The following DOCK8 variants were observed in gnomAD, a reference collection of about 807,000 sequenced individuals.
DOCK8 encodes dedicator of cytokinesis protein 8.
In DOCK8, 141 loss-of-function variants were observed where a neutral mutation model predicts 245.6. That is an observed-to-expected ratio of 0.57 (90% confidence interval 0.50 to 0.66). The LOEUF is 0.66. Ranked by LOEUF, DOCK8 falls within the 30% of genes least tolerant of loss-of-function variation. The pLI is 0.00. For missense variants in DOCK8, 2,965 were observed against 2,603.4 expected, an observed-to-expected ratio of 1.14 and a Z score of -3.02; for synonymous variants, 1,168 against 970.2, an observed-to-expected ratio of 1.20 and a Z score of -3.79.
In DOCK8 at chr9:418,127, G is replaced by T; in HGVS notation, c.3760G>T (p.Ala1254Ser). The change falls in exon 30 of 48, where the codon GCC becomes TCC. Residue 1254 changes from alanine to serine, a missense_variant. Transcript: ENST00000432829. ...GGATGAAGAACAAGAAGGAGCCGGTGCCATTAACCAGAATGTGGCTCTGGC... is the reference window on the plus strand; with the variant it reads ...GGATGAAGAACAAGAAGGAGCCGGTTCCATTAACCAGAATGTGGCTCTGGC... ...GSDEEQEGAG[A>S]INQNVALAIA... 2.5e-6 allele frequency: 4 copies of T among 1,614,218 alleles called. No individual in the cohort carries two copies. Among genetic ancestry groups the T allele is most frequent in the Non-Finnish European group, 3.4e-6 (4 of 1,180,036 alleles).
At position 359,112 on chromosome 9, in the gene DOCK8, C is replaced by T. The variant is rs538110045; in HGVS notation, c.1680-8906C>T. 3.2e-3 allele frequency among the ~76,000 whole-genome samples: 494 copies of T among 152,288 alleles called. 4 individuals carry two copies. The highest frequency in any genetic ancestry group is 0.017 in the Middle Eastern group (5 of 294). ...AATGCTATGCTGATGCTGATGCTGA[C>T]GCTGACGTTGATGCTGCTACTCATT... On this transcript the variant is annotated intron_variant, in intron 14 of 47. Transcript: ENST00000432829.
rs148066605 is a variant in DOCK8 at position 240,751 on chromosome 9, A to C, written c.53+25722A>C. Among the ~76,000 whole-genome samples the C allele has an allele frequency of 1.1e-4, 17 of 152,256 alleles. No individual in the cohort carries two copies. In the East Asian group the frequency reaches 3.1e-3, roughly 28 times the overall value. The stretch of plus-strand genomic sequence containing the variant: ...CTGTGTTAGACTCTGGGGATTTGGA[A>C]AGACCCTGCTTCCCTCATGAAACTT... On this transcript the variant is annotated intron_variant, in intron 1 of 47. Transcript: ENST00000432829.
chr9:217,828 A>G (rs1437547140), intron 1 of DOCK8, among the ~76,000 whole-genome samples: 2 of 152,326 alleles, frequency 1.3e-5, no homozygotes, highest in East Asian at 3.9e-4. Flanking sequence ...TCTTGGAGAT[A>G]CAGCTGCACA....
intron 39 of DOCK8, among the ~76,000 whole-genome samples, chr9:438,866 G>C (rs2131789131): frequency 6.6e-6 from 1 of 152,312 alleles, no homozygotes; most frequent in South Asian, 2.1e-4. Flanking sequence ...GTAAGTCAGA[G>C]GTCCACTCGG....
At chr9:399,321 A>G (rs2054628928) in intron 26 of DOCK8, 62 bp downstream of exon 26, 2 of 1,122,770 alleles carry the variant, frequency 1.8e-6, no homozygotes, top group South Asian at 2.5e-5. Flanking sequence ...ATATAATGTG[A>G]TGTTCGTTGC....
chr9:342,297 CTTTT>C (rs34071975), intron 14 of DOCK8, among the ~76,000 whole-genome samples: 2 of 124,422 alleles, frequency 1.6e-5, no homozygotes, highest in Non-Finnish European at 1.7e-5. Context: ...TTTCTTTTTT[CTTTT>C]TTTTTTTTTT....
chr9:243,253 G>C (rs945368761), intron 1 of DOCK8, among the ~76,000 whole-genome samples: 1 of 152,086 alleles, frequency 6.6e-6, no homozygotes, highest in Admixed American at 6.6e-5. Flanking sequence ...GTTTCTTTAC[G>C]TGTATAACAA....
chr9:269,515 C>T (rs961821945), intron 1 of DOCK8, among the ~76,000 whole-genome samples: 2 of 147,040 alleles, frequency 1.4e-5, no homozygotes, highest in Non-Finnish European at 3.0e-5. Context: ...CTGCTACGAA[C>T]ATTCATGTGT....
At chr9:244,883 A>G (rs2047470147) in intron 1 of DOCK8, among the ~76,000 whole-genome samples, 1 of 152,140 alleles carries the variant, frequency 6.6e-6, no homozygotes, top group African/African-American at 2.4e-5. Context: ...TTTGAAGAAG[A>G]CTGGCTGATG....
In DOCK8 at chr9:301,087, T is replaced by A. The variant is rs540020891; in HGVS notation, c.405-3494T>A. Among the ~76,000 whole-genome samples, 3 of 152,152 alleles carry A rather than the reference T, an allele frequency of 2.0e-5. No individual in the cohort carries two copies. The East Asian group carries it at 5.8e-4, about 29-fold the overall frequency. On this transcript the variant is annotated intron_variant, in intron 4 of 47. Transcript: ENST00000432829. ...TCCCTGATGAACATCGACACAAAAA[T>A]CCTCAACAAAATACTACAAACCAAA...
In DOCK8 at chr9:426,515, C is replaced by T. The variant is rs958725796; in HGVS notation, c.4242-370C>T. On this transcript the variant is annotated intron_variant, in intron 33 of 47. Transcript: ENST00000432829. ...GGGGCTTCCCCTTACTCAGATCTAG[C>T]AATGGTTTTCATGCGTGAAATACAG... is the stretch of plus-strand genomic sequence containing the variant. Among the ~76,000 whole-genome samples the T allele has an allele frequency of 2.0e-5, 3 of 152,180 alleles. No homozygotes were observed. In the East Asian group the frequency reaches 5.8e-4, roughly 29 times the overall value.
chr9:376,395 G>A, intron 19 of DOCK8, 90 bp downstream of exon 19: 1 of 944,540 alleles, frequency 1.1e-6, no homozygotes, highest in Non-Finnish European at 1.8e-6. Flanking sequence ...GAAAATCCTT[G>A]TCTACAGATA....
At position 382,569 on chromosome 9, in the gene DOCK8, G is replaced by A. The variant is rs2131298209; in HGVS notation, c.2662G>A (p.Ala888Thr). 6.2e-7 allele frequency: 1 copy of A among 1,614,136 alleles called. No homozygotes were observed. Residue 888 changes from alanine to threonine, a missense_variant, in exon 22 of 48, where the codon GCT becomes ACT. Physicochemically the swap from Ala to Thr is moderately conservative, Grantham distance 58. Around this residue, in one of 3 missense-constraint regions of DOCK8, gnomAD observed 2,825 missense variants for 2,453.5 expected, o/e 1.15. Coordinates refer to ENST00000432829, the MANE Select transcript of DOCK8 (RefSeq NM_203447.4). ...RSYHTYGRTSAAAVSSKLLQA... is the reference protein window; with the variant it reads ...RSYHTYGRTSTAAVSSKLLQA... ...CTACCACACGTATGGCCGCACATCAGCTGCTGCTGTGAGTTCAAAGCTGCT... is the reference window on the plus strand; with the variant it reads ...CTACCACACGTATGGCCGCACATCAACTGCTGCTGTGAGTTCAAAGCTGCT...
chr9:282,872 T>G (rs1274531773), intron 2 of DOCK8, among the ~76,000 whole-genome samples: 2 of 152,218 alleles, frequency 1.3e-5, no homozygotes, highest in Non-Finnish European at 2.9e-5. Context: ...AATTTTGAAG[T>G]GTATATTTCC....
chr9:444,221 A>C (rs2057178102), intron 43 of DOCK8, among the ~76,000 whole-genome samples: 2 of 152,012 alleles, frequency 1.3e-5, no homozygotes, highest in African/African-American at 4.8e-5. Flanking sequence ...GACTGCCCTG[A>C]CTTCAGATGC....
intron 31 of DOCK8, 65 bp downstream of exon 31, chr9:420,648 C>A: frequency 6.3e-7 from 1 of 1,597,002 alleles, no homozygotes; most frequent in Non-Finnish European, 8.6e-7. Flanking sequence ...TGTCTTCTTA[C>A]TCATCCCCTT....
intron 14 of DOCK8, among the ~76,000 whole-genome samples, chr9:354,383 G>T (rs986977968): frequency 2.6e-5 from 4 of 152,044 alleles, no homozygotes; most frequent in African/African-American, 9.7e-5. Context: ...AGAAATTTTT[G>T]AAGTAAAACC....
intron 4 of DOCK8, among the ~76,000 whole-genome samples, chr9:301,520 A>G (rs1415576254): frequency 6.6e-6 from 1 of 152,204 alleles, no homozygotes; most frequent in Non-Finnish European, 1.5e-5. Flanking sequence ...AAAAGAAATA[A>G]AAGACATCCC....
intron 4 of DOCK8, among the ~76,000 whole-genome samples, chr9:297,381 C>T (rs1306961353): frequency 6.6e-6 from 1 of 152,152 alleles, no homozygotes; most frequent in Non-Finnish European, 1.5e-5. Flanking sequence ...TTAAAGAGAA[C>T]ACTCTCAAAA....
Sources: gnomAD v4.1 joint callset for allele counts (sites outside exome capture counted in the v4.1 genomes callset) on GRCh38, gnomAD v4.1.1 for gene constraint, gnomAD v4.1.1 regional missense constraint, MANE v1.5 for transcripts, NCBI Gene and HGNC (gene_info 2026-07-23, HGNC 2026-07-21) for gene names.